CDH23: variants seen among roughly 807,000 people sequenced by gnomAD.
CDH23 encodes cadherin-23.
Under a neutral mutation model 317.1 loss-of-function variants are expected in CDH23, and 189 were observed. That is an observed-to-expected ratio of 0.60 (90% CI 0.53 to 0.67). The LOEUF (loss-of-function observed/expected upper bound fraction) is 0.67. Ranked by LOEUF, CDH23 falls within the 30% of genes least tolerant of loss-of-function variation. The probability of loss-of-function intolerance (pLI) is 0.00; values close to 1 mark genes in which losing one functional copy is unlikely to be tolerated. For synonymous variants in CDH23, 1,839 were observed against 1,876.8 expected, an observed-to-expected ratio of 0.98 and a Z score of 0.52; for missense variants, 4,401 against 4,592.4, an observed-to-expected ratio of 0.96 and a Z score of 1.20.
At chr10:71,667,271 T>G (rs1014301013) in intron 14 of CDH23, among the ~76,000 whole-genome samples, 2 of 151,584 alleles carry the variant, frequency 1.3e-5, no homozygotes, top group African/African-American at 4.9e-5. Flanking sequence ...CCCAGGTGTC[T>G]AGGGAGGGGG....
intron 3 of CDH23, among the ~76,000 whole-genome samples, chr10:71,506,713 A>G (rs75780618): frequency 0.034 from 5,218 of 152,204 alleles, 219 homozygotes; most frequent in East Asian, 0.12. Context: ...CGCTGGGCGG[A>G]GGAGTATGTG....
rs575434054 is a variant in CDH23, at chr10:71,732,989, G to A, written c.4104+614G>A. ...GACACCATAGTGTCAGATCCCACAG[G>A]TTGAGGGCTCAGTCTCACAAAACTG... On this transcript the variant is annotated intron_variant, in intron 32 of 69. Coordinates refer to ENST00000224721, the MANE Select transcript of CDH23 (RefSeq NM_022124.6). 1.1e-4 allele frequency among the ~76,000 whole-genome samples: 17 copies of A among 152,248 alleles called. No homozygotes were observed. The East Asian group carries it at 3.3e-3, about 29-fold the overall frequency.
intron 6 of CDH23, among the ~76,000 whole-genome samples, chr10:71,515,454 T>C (rs1854275910): frequency 6.6e-6 from 1 of 150,946 alleles, no homozygotes; most frequent in Non-Finnish European, 1.5e-5. Flanking sequence ...TAACTAGTAC[T>C]GGAGTTCAGC....
Position 71,510,164 on chromosome 10 carries a change from C to A in CDH23, c.228C>A (p.Arg76=). 6.2e-7 allele frequency: 1 copy of A among 1,613,998 alleles called. No individual in the cohort carries two copies. The highest frequency in any genetic ancestry group is 8.5e-7 in the Non-Finnish European group (1 of 1,179,886). The change falls in exon 4 of 70, where the codon CGC becomes CGA. Residue 76 remains arginine (R), a synonymous_variant. Coordinates refer to ENST00000224721, the MANE Select transcript of CDH23 (RefSeq NM_022124.6). ...VFGVSGEEAS[R]FFAVEPDTGV... ...GCGTGTCTGGGGAGGAGGCCTCTCG[C>A]TTCTTTGCAGTGGAGCCTGACACTG...
chr10:71,505,959 T>C (rs1484006771), intron 3 of CDH23, among the ~76,000 whole-genome samples: 1 of 152,204 alleles, frequency 6.6e-6, no homozygotes, highest in Admixed American at 6.5e-5. Flanking sequence ...TTATTTCCAA[T>C]AGTCAACAGA....
At chr10:71,495,969 G>A (rs1852941963) in intron 3 of CDH23, among the ~76,000 whole-genome samples, 1 of 152,316 alleles carries the variant, frequency 6.6e-6, no homozygotes, top group South Asian at 2.1e-4. Flanking sequence ...TGTTAGAAAT[G>A]CATATTCAGA....
intron 11 of CDH23, chr10:71,622,920 C>T: frequency 1.0e-6 from 1 of 985,378 alleles, no homozygotes; most frequent in South Asian, 4.7e-5. Context: ...TCAGAAAGGC[C>T]TTCGGGCCTC....
At chr10:71,668,715 C>T (rs546659572) in intron 14 of CDH23, among the ~76,000 whole-genome samples, 3 of 152,342 alleles carry the variant, frequency 2.0e-5, no homozygotes, top group African/African-American at 7.2e-5. Flanking sequence ...CCTCTTGCCC[C>T]TTCCCCTCGC....
intron 38 of CDH23, chr10:71,755,028 C>G (rs1384439651): frequency 2.0e-6 from 1 of 501,060 alleles, no homozygotes; most frequent in Non-Finnish European, 3.9e-6. Flanking sequence ...TAAACAGGTC[C>G]CCCAAGGATC....
At position 71,760,010 on chromosome 10, in the gene CDH23, TAC is replaced by T. The variant is rs1274523860; in HGVS notation, c.4846-17660_4846-17659del. Reference sequence around the variant, plus strand: ...ATATACACACACACATACATATATATACACACACACATATATACACACACACA... The same window carrying T: ...ATATACACACACACATACATATATATACACACACATATATACACACACACA... On this transcript the variant is annotated intron_variant, in intron 38 of 69. Transcript: ENST00000224721. 6.9e-4 allele frequency among the ~76,000 whole-genome samples: 67 copies of T among 96,602 alleles called. 16 individuals carry two copies. Among genetic ancestry groups the T allele is most frequent in the African/African-American group, 1.6e-3 (40 of 25,678 alleles). The allele number at this position is 96,602 out of a possible 152,430, so 63.4% of individuals were successfully genotyped here.
chr10:71,785,124 G>A, intron 43 of CDH23, 24 bp downstream of exon 43: 4 of 1,594,160 alleles, frequency 2.5e-6, no homozygotes, highest in Non-Finnish European at 3.4e-6. Context: ...TGACCCCAGG[G>A]AGCTTCCCAG....
chr10:71,668,864 C>T (rs1864024130), intron 14 of CDH23, among the ~76,000 whole-genome samples: 1 of 152,130 alleles, frequency 6.6e-6, no homozygotes, highest in Non-Finnish European at 1.5e-5. Context: ...TATTTTTTTC[C>T]TTTTTGTCAG....
At chr10:71,552,416 C>T (rs1193906999) in intron 6 of CDH23, among the ~76,000 whole-genome samples, 1 of 152,208 alleles carries the variant, frequency 6.6e-6, no homozygotes, top group Non-Finnish European at 1.5e-5. Context: ...AGGGACTGTG[C>T]CCTGCAGTCC....
intron 8 of CDH23, among the ~76,000 whole-genome samples, chr10:71,571,474 G>A (rs945272521): frequency 2.0e-5 from 3 of 152,194 alleles, no homozygotes; most frequent in African/African-American, 7.2e-5. Context: ...TGATTTTTCT[G>A]GTGTGTTGCA....
At chr10:71,408,808 G>A (rs1448382920) in intron 1 of CDH23, among the ~76,000 whole-genome samples, 1 of 152,226 alleles carries the variant, frequency 6.6e-6, no homozygotes, top group Non-Finnish European at 1.5e-5. Flanking sequence ...CAAGGGCAGA[G>A]GGGAATGGGA....
chr10:71,479,048 T>C (rs1564606080), intron 3 of CDH23, among the ~76,000 whole-genome samples: 2 of 152,122 alleles, frequency 1.3e-5, no homozygotes, highest in Non-Finnish European at 2.9e-5. Context: ...GACTTCCACG[T>C]ATGGTTCTTC....
chr10:71,644,771 C>T (rs983806858), intron 12 of CDH23, among the ~76,000 whole-genome samples: 4 of 152,234 alleles, frequency 2.6e-5, no homozygotes, highest in Non-Finnish European at 5.9e-5. Flanking sequence ...GGCTCTGCAC[C>T]ATAAGCCAGA....
chr10:71,810,385 G>A, intron 61 of CDH23, 87 bp from the exon 62 acceptor site: 1 of 1,221,372 alleles, frequency 8.2e-7, no homozygotes, highest in Non-Finnish European at 1.2e-6. Flanking sequence ...TGCAGGGAAG[G>A]GCAGAAGGGG....
chr10:71,569,184 C>T (rs1295274531), intron 7 of CDH23, among the ~76,000 whole-genome samples: 1 of 152,226 alleles, frequency 6.6e-6, no homozygotes. Flanking sequence ...CTGCTCACCT[C>T]CTGCTTCCAG....
Sources: allele counts gnomAD v4.1 joint callset (sites outside exome capture counted in the v4.1 genomes callset), GRCh38; gene constraint gnomAD v4.1.1; transcripts MANE v1.5; gene names NCBI Gene and HGNC (gene_info 2026-07-23, HGNC 2026-07-21).